Variants in ARFIP1 observed in about 807,000 individuals in gnomAD.
The protein encoded by ARFIP1 is ARF interacting protein 1.
A neutral mutation model predicts 42.5 loss-of-function variants in ARFIP1; 24 were observed. That is an observed-to-expected ratio of 0.57 (90% CI 0.41 to 0.80). ARFIP1 has a LOEUF of 0.80. Among genes scored for constraint, ARFIP1 ranks in the 30% least tolerant of loss-of-function variants. The pLI, the probability that ARFIP1 is intolerant of heterozygous loss-of-function variation, is 0.00. For synonymous variants in ARFIP1, 141 were observed against 153.7 expected (o/e 0.92, Z 0.61); for missense variants, 354 against 434.0 (o/e 0.82, Z 1.64).
At chr4:152,884,863 A>G (rs1461798690) in intron 7 of ARFIP1, among the ~76,000 whole-genome samples, 8 of 152,038 alleles carry the variant, frequency 5.3e-5, no homozygotes, top group Non-Finnish European at 1.2e-4. Flanking sequence ...AAAATACAGT[A>G]TATAGGTTCA....
intron 1 of ARFIP1, among the ~76,000 whole-genome samples, chr4:152,790,780 C>T (rs941297634): frequency 2.2e-5 from 3 of 134,022 alleles, no homozygotes; most frequent in Non-Finnish European, 4.6e-5. Flanking sequence ...GTTGCCCAGG[C>T]TGGAGTGTAG....
chr4:152,793,677 A>G (rs184523829), intron 1 of ARFIP1, among the ~76,000 whole-genome samples: 1 of 152,302 alleles, frequency 6.6e-6, no homozygotes, highest in Admixed American at 6.5e-5. Flanking sequence ...GCTATAAAGG[A>G]ATATCTGAGG....
chr4:152,785,766 C>A (rs1730766086), intron 1 of ARFIP1, among the ~76,000 whole-genome samples: 1 of 152,176 alleles, frequency 6.6e-6, no homozygotes, highest in Admixed American at 6.5e-5. Context: ...AGCTGTAAAC[C>A]TGCACTGTCT....
At chr4:152,838,220 G>A (rs950696590) in intron 2 of ARFIP1, among the ~76,000 whole-genome samples, 7 of 152,088 alleles carry the variant, frequency 4.6e-5, no homozygotes, top group African/African-American at 1.4e-4. Context: ...GCCTCCAGAT[G>A]TGTTGTTTTT....
intron 2 of ARFIP1, 140 bp from the exon 3 acceptor site, chr4:152,863,466 G>GC: frequency 1.9e-6 from 1 of 522,518 alleles, no homozygotes; most frequent in Non-Finnish European, 3.4e-6. Flanking sequence ...ATTATAGAAT[G>GC]CCATGATAGC....
At chr4:152,827,957 A>G (rs940201986) in intron 1 of ARFIP1, among the ~76,000 whole-genome samples, 10 of 152,212 alleles carry the variant, frequency 6.6e-5, no homozygotes, top group African/African-American at 2.4e-4. Flanking sequence ...TACAGACATG[A>G]ACCACTGCAC....
In ARFIP1 at chr4:152,858,905, C is replaced by A. The variant is rs192348190; in HGVS notation, c.94-4701C>A. Among the ~76,000 whole-genome samples, 832 of 152,164 alleles carry A rather than the reference C, an allele frequency of 5.5e-3. 27 individuals are homozygous for A. Among genetic ancestry groups the A allele is most frequent in the East Asian group, 0.01 (54 of 5,188 alleles). ...TGTATGTTATCTTTAAAGGAGCAAG[C>A]GCTGTAAATCTCTGATCCAAACCTC... On this transcript the variant is annotated intron_variant, in intron 2 of 8. Transcript: ENST00000353617.
chr4:152,829,717 C>A lies in ARFIP1; in HGVS notation c.84C>A (p.Ser28Arg). 1 of 1,602,202 alleles carries A rather than the reference C, an allele frequency of 6.2e-7. No homozygotes were observed. The highest frequency in any genetic ancestry group is 8.5e-7 in the Non-Finnish European group (1 of 1,173,330). ...AAGTTGATGACTCTCGTGAACATAGCTTTAATAGGGTAAGAACACTTTTCT... is the reference window on the plus strand; with the variant it reads ...AAGTTGATGACTCTCGTGAACATAGATTTAATAGGGTAAGAACACTTTTCT... ...NGEVDDSREH[S>R]FNRDLKHSLP... Residue 28 changes from serine to arginine, a missense_variant, in exon 2 of 9, where the codon AGC (serine) becomes AGA (arginine). Transcript: ENST00000353617.
At chr4:152,835,188 A>G (rs990542032) in intron 2 of ARFIP1, among the ~76,000 whole-genome samples, 1 of 152,124 alleles carries the variant, frequency 6.6e-6, no homozygotes. Flanking sequence ...TTCTTTCTCT[A>G]CCACAGGGCC....
intron 8 of ARFIP1, among the ~76,000 whole-genome samples, chr4:152,906,686 T>G (rs573700565): frequency 6.6e-6 from 1 of 152,216 alleles, no homozygotes; most frequent in Non-Finnish European, 1.5e-5. Context: ...AACCTACCAG[T>G]AGCTTTTCAT....
intron 8 of ARFIP1, among the ~76,000 whole-genome samples, chr4:152,896,308 A>G (rs181892758): frequency 1.1e-4 from 17 of 152,328 alleles, no homozygotes; most frequent in Admixed American, 1.0e-3. Flanking sequence ...AAGGTTATTC[A>G]TTGCAGCATC....
intron 1 of ARFIP1, among the ~76,000 whole-genome samples, chr4:152,822,317 AAAG>A (rs1443840762): frequency 6.6e-5 from 10 of 150,730 alleles, no homozygotes; most frequent in South Asian, 2.1e-4. Context: ...AAAAAAAAAA[AAAG>A]ACAAGGTCAT....
chr4:152,817,999 G>A (rs1234377158), intron 1 of ARFIP1, among the ~76,000 whole-genome samples: 2 of 152,226 alleles, frequency 1.3e-5, no homozygotes, highest in African/African-American at 4.8e-5. Context: ...CTTGTGCACT[G>A]ATGGTGGAAA....
At chr4:152,841,232 C>G (rs1355667291) in intron 2 of ARFIP1, among the ~76,000 whole-genome samples, 2 of 152,060 alleles carry the variant, frequency 1.3e-5, no homozygotes, top group Non-Finnish European at 2.9e-5. Flanking sequence ...GATGGAGTTT[C>G]ACCATGTCGG....
intron 1 of ARFIP1, among the ~76,000 whole-genome samples, chr4:152,806,437 G>C (rs542507614): frequency 6.6e-6 from 1 of 152,292 alleles, no homozygotes; most frequent in South Asian, 2.1e-4. Context: ...TGCTCTCTGG[G>C]TGGATTGGGG....
At chr4:152,904,050 T>C (rs1275827425) in intron 8 of ARFIP1, among the ~76,000 whole-genome samples, 1 of 151,916 alleles carries the variant, frequency 6.6e-6, no homozygotes, top group African/African-American at 2.4e-5. Context: ...TTCTTTTTTT[T>C]TAAGTTATTT....
Position 152,880,962 on chromosome 4 carries a change from G to C in ARFIP1, c.412-1G>C. 1 of 1,604,762 alleles carries C rather than the reference G, an allele frequency of 6.2e-7. No individual in the cohort carries two copies. The highest frequency in any genetic ancestry group is 8.5e-7 in the Non-Finnish European group (1 of 1,175,052). ...AAACAAAATGCATCTTCCACTTTTA[G>C]TGTACTCGACAGATTATCTCTGAGA... is the stretch of plus-strand genomic sequence containing the variant. On this transcript the variant is annotated splice_acceptor_variant, in intron 5 of 8. Coordinates refer to ENST00000353617, the MANE Select transcript of ARFIP1 (RefSeq NM_001025595.3). LOFTEE classifies it high-confidence loss of function.
intron 1 of ARFIP1, among the ~76,000 whole-genome samples, chr4:152,814,047 G>A (rs1578854158): frequency 6.6e-6 from 1 of 150,674 alleles, no homozygotes; most frequent in African/African-American, 2.4e-5. Flanking sequence ...AGAATTCTAG[G>A]TGGACAGTTT....
At chr4:152,804,415 T>TTA (rs1186125013) in intron 1 of ARFIP1, among the ~76,000 whole-genome samples, 1 of 107,014 alleles carries the variant, frequency 9.3e-6, no homozygotes, top group African/African-American at 4.0e-5. Flanking sequence ...ATAACATGTA[T>TTA]TATATATTAT....
Sources: gnomAD v4.1 joint callset for allele counts (sites outside exome capture counted in the v4.1 genomes callset) on GRCh38, gnomAD v4.1.1 for gene constraint, MANE v1.5 for transcripts, NCBI Gene and HGNC (gene_info 2026-07-23, HGNC 2026-07-21) for gene names.